PCSK2: variants seen among roughly 807,000 people sequenced by gnomAD.
PCSK2 encodes proprotein convertase subtilisin/kexin type 2, also known as neuroendocrine convertase 2.
In PCSK2, 14 loss-of-function variants were observed where a neutral mutation model predicts 69.7. The observed-to-expected ratio is 0.20, with a 90% confidence interval of 0.13 to 0.31. PCSK2 has a LOEUF of 0.31. PCSK2 is among the 10% of genes least tolerant of loss of function. The pLI is 1.00. For synonymous variants in PCSK2, 307 were observed against 320.7 expected (o/e 0.96, Z 0.46); for missense variants, 544 against 842.5 (o/e 0.65, Z 4.39).
At chr20:17,249,206 C>T (rs1986877817) in intron 1 of PCSK2, among the ~76,000 whole-genome samples, 1 of 152,104 alleles carries the variant, frequency 6.6e-6, no homozygotes, top group South Asian at 2.1e-4. Context: ...ATAATTTAGA[C>T]TTTAAAAATG....
At chr20:17,470,682 C>T (rs2033184131) in intron 11 of PCSK2, among the ~76,000 whole-genome samples, 1 of 152,128 alleles carries the variant, frequency 6.6e-6, no homozygotes, top group African/African-American at 2.4e-5. Flanking sequence ...GGTTGGCATC[C>T]CTAGTCTTAA....
Position 17,453,550 on chromosome 20 carries a change from G to T in PCSK2, c.886-192G>T, listed in dbSNP as rs529215892. On this transcript the variant is annotated intron_variant, in intron 8 of 11. Transcript: ENST00000262545. The surrounding 1 kb of genome is among the most constrained non-coding windows in gnomAD (Gnocchi z 4.0). ...TAAATTCAGTTGACTTTTTTAGATT[G>T]AATTCTTCCTGGAAAAAAAAAGTTT... Among the ~76,000 whole-genome samples the T allele has an allele frequency of 2.6e-4, 39 of 152,194 alleles. No individual in the cohort carries two copies. Among genetic ancestry groups the T allele is most frequent in the African/African-American group, 8.7e-4 (36 of 41,548 alleles).
chr20:17,340,194 A>C (rs759262658), intron 2 of PCSK2, among the ~76,000 whole-genome samples: 1 of 152,246 alleles, frequency 6.6e-6, no homozygotes, highest in East Asian at 1.9e-4. Flanking sequence ...AGGAAGAGTC[A>C]TGCAGGTCCC....
chr20:17,367,185 A>G (rs2030619161), intron 4 of PCSK2, among the ~76,000 whole-genome samples: 1 of 152,162 alleles, frequency 6.6e-6, no homozygotes, highest in Admixed American at 6.5e-5. Context: ...AATTTAAGCT[A>G]TCTTAACAAA....
At chr20:17,392,005 G>A (rs566527298) in intron 5 of PCSK2, among the ~76,000 whole-genome samples, 1 of 151,942 alleles carries the variant, frequency 6.6e-6, no homozygotes, top group African/African-American at 2.4e-5. Context: ...GGAAGGAAAG[G>A]AAGGAAAGGA....
intron 8 of PCSK2, among the ~76,000 whole-genome samples, chr20:17,450,484 T>G (rs1278453927): frequency 1.3e-5 from 2 of 152,200 alleles, no homozygotes; most frequent in African/African-American, 4.8e-5. Flanking sequence ...AACCTTTGTT[T>G]TCTGCACTTC....
intron 2 of PCSK2, among the ~76,000 whole-genome samples, chr20:17,349,969 G>A (rs369883156): frequency 1.5e-4 from 23 of 152,160 alleles, no homozygotes; most frequent in African/African-American, 4.6e-4. Context: ...TCTGCTTCGC[G>A]AGGACACCTT....
At chr20:17,372,424 TAAATAA>T (rs1239719737) in intron 5 of PCSK2, among the ~76,000 whole-genome samples, 1 of 147,248 alleles carries the variant, frequency 6.8e-6, no homozygotes, top group East Asian at 2.0e-4. Flanking sequence ...AATAAATAAA[TAAATAA>T]AAATAAAAGA....
At position 17,231,223 on chromosome 20, in the gene PCSK2, T is replaced by C. The variant is rs1251942841; in HGVS notation, c.177+3741T>C. On this transcript the variant is annotated intron_variant, in intron 1 of 11. Transcript: ENST00000262545. ...TGAAATGATTACACAAGTAAAATCA[T>C]GTGACCATTTTTATAATGTGTGAGA... is the stretch of plus-strand genomic sequence containing the variant. 3.9e-5 allele frequency among the ~76,000 whole-genome samples: 6 copies of C among 152,248 alleles called. No individual in the cohort carries two copies. The East Asian group carries it at 1.2e-3, about 29-fold the overall frequency.
rs1202824654 is a variant in PCSK2, at chr20:17,325,518, T to C, written c.283-32809T>C. Among the ~76,000 whole-genome samples the C allele has an allele frequency of 5.9e-5, 9 of 152,214 alleles. No individual in the cohort carries two copies. In the East Asian group the frequency reaches 1.7e-3, roughly 29 times the overall value. On this transcript the variant is annotated intron_variant, in intron 2 of 11. Transcript: ENST00000262545. ...TTTTAATACCAAATATTTTTCAAAGTTTTTATAAAGCCTTCCATCTACTCA... is the reference window on the plus strand; with the variant it reads ...TTTTAATACCAAATATTTTTCAAAGCTTTTATAAAGCCTTCCATCTACTCA...
intron 11 of PCSK2, among the ~76,000 whole-genome samples, chr20:17,477,884 T>C (rs2033319431): frequency 6.6e-6 from 1 of 152,242 alleles, no homozygotes; most frequent in Non-Finnish European, 1.5e-5. Context: ...ATTTTCTTAA[T>C]AAATTTAATT....
At chr20:17,332,303 C>A (rs1362341656) in intron 2 of PCSK2, among the ~76,000 whole-genome samples, 1 of 152,086 alleles carries the variant, frequency 6.6e-6, no homozygotes, top group East Asian at 1.9e-4. Context: ...AAATTTCACA[C>A]TCAATGGACC....
chr20:17,445,960 GT>G (rs767268471), intron 8 of PCSK2, among the ~76,000 whole-genome samples: 11 of 152,214 alleles, frequency 7.2e-5, no homozygotes, highest in Non-Finnish European at 1.5e-4. Flanking sequence ...GGACTTTCCT[GT>G]TTTTAGCATT....
At chr20:17,364,468 G>A (rs111784457) in intron 4 of PCSK2, among the ~76,000 whole-genome samples, 12,129 of 152,248 alleles carry the variant, frequency 0.08, 621 homozygotes, top group Non-Finnish European at 0.11. Flanking sequence ...GAGGCCTCAC[G>A]ATCATGGCGG....
At chr20:17,253,071 C>A (rs1458463135) in intron 1 of PCSK2, among the ~76,000 whole-genome samples, 4 of 152,078 alleles carry the variant, frequency 2.6e-5, no homozygotes, top group Admixed American at 2.6e-4. Flanking sequence ...AAGTATCTAT[C>A]AAAATGATAA....
At chr20:17,297,821 C>T (rs1171567488) in intron 2 of PCSK2, among the ~76,000 whole-genome samples, 2 of 152,172 alleles carry the variant, frequency 1.3e-5, no homozygotes, top group Non-Finnish European at 2.9e-5. Context: ...CTCATTCCTT[C>T]ATTTTTTGCC....
At chr20:17,424,596 G>A (rs1600569363) in intron 6 of PCSK2, among the ~76,000 whole-genome samples, 1 of 151,494 alleles carries the variant, frequency 6.6e-6, no homozygotes, top group Non-Finnish European at 1.5e-5. Context: ...TGGTTCATGC[G>A]ATTCTCCTGC....
chr20:17,349,034 G>A (rs2029894913), intron 2 of PCSK2, among the ~76,000 whole-genome samples: 1 of 152,134 alleles, frequency 6.6e-6, no homozygotes, highest in South Asian at 2.1e-4. Context: ...GGTTGTCGGG[G>A]AAAATAACTG....
intron 3 of PCSK2, among the ~76,000 whole-genome samples, chr20:17,359,560 A>G (rs1490402434): frequency 6.6e-6 from 1 of 152,228 alleles, no homozygotes; most frequent in Admixed American, 6.5e-5. Flanking sequence ...AAACTCTTAA[A>G]GCTTCTGCCT....
Sources: gnomAD v4.1 joint callset for allele counts (sites outside exome capture counted in the v4.1 genomes callset) on GRCh38, gnomAD v4.1.1 for gene constraint, Gnocchi (gnomAD v3.1) non-coding constraint, MANE v1.5 for transcripts, NCBI Gene and HGNC (gene_info 2026-07-23, HGNC 2026-07-21) for gene names.